CDKN2B-AS1: variants seen among roughly 807,000 people sequenced by gnomAD.
The protein encoded by CDKN2B-AS1 is CDKN2B antisense RNA 1 (non-protein coding).
intron 4 of CDKN2B-AS1, among the ~76,000 whole-genome samples, chr9:22,084,949 G>C (rs1183310502): frequency 1.3e-5 from 2 of 152,146 alleles, no homozygotes; most frequent in East Asian, 3.8e-4. Flanking sequence ...ATAAGTGACA[G>C]ATATCTAAGA....
chr9:22,009,605 G>T (rs1054173614), intron 1 of CDKN2B-AS1, among the ~76,000 whole-genome samples: 4 of 152,090 alleles, frequency 2.6e-5, no homozygotes, highest in Non-Finnish European at 5.9e-5. Context: ...GCGGAGCAGA[G>T]GATTTCTGTT....
At chr9:22,085,331 C>G (rs1284760847) in intron 4 of CDKN2B-AS1, among the ~76,000 whole-genome samples, 2 of 152,166 alleles carry the variant, frequency 1.3e-5, no homozygotes, top group Non-Finnish European at 2.9e-5. Flanking sequence ...CCCACCCTGC[C>G]AAGTGCATTC....
chr9:22,052,902 A>G (rs753240732), intron 3 of CDKN2B-AS1, among the ~76,000 whole-genome samples: 5 of 152,162 alleles, frequency 3.3e-5, no homozygotes, highest in Admixed American at 2.6e-4. Context: ...CTGCCCCTTT[A>G]TTTTGATGAT....
At chr9:22,020,813 C>T (rs1821984339) in intron 1 of CDKN2B-AS1, among the ~76,000 whole-genome samples, 1 of 152,122 alleles carries the variant, frequency 6.6e-6, no homozygotes, top group South Asian at 2.1e-4. Context: ...AAATGTTCTC[C>T]CATTCTGTAG....
At chr9:22,060,244 A>G (rs1563954524) in intron 4 of CDKN2B-AS1, among the ~76,000 whole-genome samples, 3 of 152,286 alleles carry the variant, frequency 2.0e-5, no homozygotes, top group East Asian at 1.9e-4. Flanking sequence ...AATGCCTTTA[A>G]CAGTACCCAA....
chr9:22,066,454 C>G (rs2131307004), intron 4 of CDKN2B-AS1: 1 of 152,020 alleles, frequency 6.6e-6, no homozygotes, highest in Middle Eastern at 3.4e-3. Flanking sequence ...CTCAGCCTTC[C>G]AAAGTGCTGG....
intron 4 of CDKN2B-AS1, among the ~76,000 whole-genome samples, chr9:22,059,416 C>T (rs949687334): frequency 1.3e-5 from 2 of 152,210 alleles, no homozygotes; most frequent in African/African-American, 2.4e-5. Context: ...CCAAAATGAT[C>T]TCCTGTGACT....
intron 4 of CDKN2B-AS1, among the ~76,000 whole-genome samples, chr9:22,093,622 C>G (rs1245669808): frequency 4.4e-5 from 6 of 137,114 alleles, no homozygotes; most frequent in African/African-American, 9.8e-5. Context: ...TCTGTTTTAT[C>G]AGAGACTAGG....
intron 4 of CDKN2B-AS1, among the ~76,000 whole-genome samples, chr9:22,091,034 T>C (rs1041926543): frequency 5.3e-5 from 8 of 152,218 alleles, no homozygotes; most frequent in African/African-American, 1.9e-4. Flanking sequence ...CAGTTTCAGC[T>C]TTCTACATAT....
chr9:22,014,229 C>G (rs921962549), intron 1 of CDKN2B-AS1, among the ~76,000 whole-genome samples: 10 of 152,070 alleles, frequency 6.6e-5, no homozygotes, highest in Non-Finnish European at 1.3e-4. Flanking sequence ...GTGGTGTGAT[C>G]ATAGCTCACT....
At chr9:22,065,210 G>GT (rs1300181611) in intron 4 of CDKN2B-AS1, among the ~76,000 whole-genome samples, 4 of 152,154 alleles carry the variant, frequency 2.6e-5, no homozygotes, top group African/African-American at 9.7e-5. Flanking sequence ...CCATCTCTGT[G>GT]TTTTTCTATT....
At position 22,078,064 on chromosome 9, in the gene CDKN2B-AS1, G is replaced by T. The variant is rs141156215; in HGVS notation, n.438+21677G>T. ...GAAACTTTTTTTCTCCCTCAAACAT[G>T]ACTTCAACTTTACTATCCTGGTCCC... On this transcript the variant is annotated intron_variant and non_coding_transcript_variant, in intron 4 of 4. Coordinates refer to ENST00000650946, the Ensembl canonical transcript of CDKN2B-AS1. Among the ~76,000 whole-genome samples, 1,080 of 151,940 alleles carry T rather than the reference G, an allele frequency of 7.1e-3. 19 individuals are homozygous for T. Among genetic ancestry groups the T allele is most frequent in the African/African-American group, 0.025 (1,022 of 41,424 alleles).
At chr9:22,052,811 G>T (rs10757267) in intron 3 of CDKN2B-AS1, among the ~76,000 whole-genome samples, 5 of 152,006 alleles carry the variant, frequency 3.3e-5, no homozygotes, top group Admixed American at 6.5e-5. Context: ...CTAATCTTTT[G>T]GGGGGTTCCC....
chr9:22,094,065 C>T (rs1165661900), intron 4 of CDKN2B-AS1, among the ~76,000 whole-genome samples: 3 of 144,018 alleles, frequency 2.1e-5, no homozygotes, highest in African/African-American at 8.7e-5. Flanking sequence ...TTTATTTCTC[C>T]TTCACTTATG....
At chr9:22,097,346 A>T (rs1232454737) in intron 4 of CDKN2B-AS1, 4 of 152,168 alleles carry the variant, frequency 2.6e-5, no homozygotes, top group African/African-American at 4.8e-5. Context: ...GAGTTTAAGA[A>T]CTCAGACCAG....
chr9:22,100,198 G>C (rs571282952), intron 4 of CDKN2B-AS1, among the ~76,000 whole-genome samples: 11 of 152,140 alleles, frequency 7.2e-5, no homozygotes, highest in African/African-American at 2.7e-4. Flanking sequence ...CCCATTTTAA[G>C]TGCATGAATT....
intron 4 of CDKN2B-AS1, chr9:22,112,087 A>G (rs190748193): frequency 1.6e-3 from 242 of 152,316 alleles, no homozygotes; most frequent in African/African-American, 5.6e-3. Context: ...TATGAGTCAC[A>G]TCTCTGTTGG....
chr9:22,029,438 T>C (rs1295112703), intron 1 of CDKN2B-AS1: 1 of 779,612 alleles, frequency 1.3e-6, no homozygotes, highest in Admixed American at 1.7e-5. Context: ...TGCAGGACTA[T>C]TTGCCACGAC....
At chr9:22,104,347 A>C (rs541803217) in intron 4 of CDKN2B-AS1, among the ~76,000 whole-genome samples, 1 of 152,344 alleles carries the variant, frequency 6.6e-6, no homozygotes, top group South Asian at 2.1e-4. Context: ...AGATTATGGA[A>C]GTGACTTTTC....
Sources: gnomAD v4.1 joint callset for allele counts (sites outside exome capture counted in the v4.1 genomes callset) on GRCh38, gnomAD v4.1.1 for gene constraint, MANE v1.5 for transcripts, NCBI Gene and HGNC (gene_info 2026-07-23, HGNC 2026-07-21) for gene names.